Variants in CYP20A1 observed in about 807,000 individuals in gnomAD.
CYP20A1 encodes cytochrome P450 family 20 subfamily A member 1, also known as cytochrome P450 20A1.
CYP20A1 carries 61 observed loss-of-function variants against 61.4 expected under a neutral mutation model. The ratio of observed to expected loss-of-function variants is 0.99; its 90% confidence interval spans 0.81 to 1.23. CYP20A1 has a LOEUF of 1.23. Among genes scored for constraint, CYP20A1 ranks in the 50% most tolerant of loss-of-function variants. The pLI is 0.00. For missense variants in CYP20A1, 530 were observed against 542.4 expected, an observed-to-expected ratio of 0.98 and a Z score of 0.23; for synonymous variants, 193 against 188.2, an observed-to-expected ratio of 1.03 and a Z score of -0.21.
chr2:203,253,169 C>G (rs369724121), intron 4 of CYP20A1, among the ~76,000 whole-genome samples: 1 of 152,194 alleles, frequency 6.6e-6, no homozygotes, highest in Non-Finnish European at 1.5e-5. Flanking sequence ...GATCAGGCTC[C>G]CCTTCTGTCC....
intron 6 of CYP20A1, among the ~76,000 whole-genome samples, chr2:203,275,749 C>A (rs2067793599): frequency 6.6e-6 from 1 of 152,158 alleles, no homozygotes; most frequent in Non-Finnish European, 1.5e-5. Context: ...AATAATTTCT[C>A]ATTTTAATCA....
In CYP20A1 at chr2:203,252,004, G is replaced by T. The variant is rs143672783; in HGVS notation, c.327G>T (p.Arg109Ser). The T allele has an allele frequency of 1.7e-5, 28 of 1,608,872 alleles. No individual in the cohort carries two copies. The African/African-American group carries it at 3.5e-4, about 20-fold the overall frequency. The change falls in exon 4 of 13, where the codon AGG becomes AGT. Residue 109 changes from arginine (R) to serine (S), a missense_variant. Coordinates refer to ENST00000356079, the MANE Select transcript of CYP20A1 (RefSeq NM_177538.3). ...PFETMLKSLL[R>S]YQSGGGSVSE... ...AAACCATGCTGAAGTCATTATTAAG[G>T]TATCAATCTGGTGGTGGCAGTGTGA...
At chr2:203,258,388 TA>T (rs56367282) in intron 4 of CYP20A1, among the ~76,000 whole-genome samples, 1,463 of 137,956 alleles carry the variant, frequency 0.011, 15 homozygotes, top group African/African-American at 0.023. Context: ...ACCCTATGTT[TA>T]AAAAAAAAAA....
chr2:203,259,480 G>C (rs1165262709), intron 4 of CYP20A1: 1 of 152,086 alleles, frequency 6.6e-6, no homozygotes, highest in Non-Finnish European at 1.5e-5. Context: ...TCTTGCTCCT[G>C]CTTTTGCCAT....
intron 9 of CYP20A1, among the ~76,000 whole-genome samples, chr2:203,286,879 G>A (rs56137728): frequency 0.044 from 6,632 of 151,874 alleles, 358 homozygotes; most frequent in African/African-American, 0.13. Flanking sequence ...GTCTGAGACT[G>A]GGTAGCAAGC....
chr2:203,246,401 T>G (rs1459500390), intron 2 of CYP20A1, among the ~76,000 whole-genome samples: 1 of 152,194 alleles, frequency 6.6e-6, no homozygotes, highest in Non-Finnish European at 1.5e-5. Flanking sequence ...AGGAAAAGAT[T>G]GCCATAGCTG....
chr2:203,260,441 T>C (rs1190504741), intron 4 of CYP20A1, among the ~76,000 whole-genome samples: 1 of 152,078 alleles, frequency 6.6e-6, no homozygotes, highest in Non-Finnish European at 1.5e-5. Flanking sequence ...AGGCTGGTCT[T>C]GAACTCCTGA....
intron 1 of CYP20A1, among the ~76,000 whole-genome samples, chr2:203,239,487 C>T (rs2066170257): frequency 6.6e-6 from 1 of 152,206 alleles, no homozygotes; most frequent in African/African-American, 2.4e-5. Flanking sequence ...GGCCATAACT[C>T]GCCAAACCCA....
intron 8 of CYP20A1, 72 bp from the exon 9 acceptor site, chr2:203,285,540 G>C (rs1165198623): frequency 7.1e-7 from 1 of 1,408,904 alleles, no homozygotes; most frequent in African/African-American, 1.5e-5. Context: ...TAAATAAGTA[G>C]TTTTTTTCTT....
At chr2:203,294,440 G>A (rs1008755690) in intron 11 of CYP20A1, among the ~76,000 whole-genome samples, 1 of 151,840 alleles carries the variant, frequency 6.6e-6, no homozygotes, top group African/African-American at 2.4e-5. Context: ...GGGAGGCTGA[G>A]GCAGGAGAGG....
chr2:203,288,301 A>G (rs1254848624), intron 9 of CYP20A1, among the ~76,000 whole-genome samples: 1 of 151,150 alleles, frequency 6.6e-6, no homozygotes, highest in Non-Finnish European at 1.5e-5. Flanking sequence ...CCTGGCCTCA[A>G]GTGATCCACC....
intron 5 of CYP20A1, among the ~76,000 whole-genome samples, chr2:203,269,201 G>T (rs1262491224): frequency 6.6e-6 from 1 of 152,050 alleles, no homozygotes; most frequent in Non-Finnish European, 1.5e-5. Context: ...TAGCACTTTG[G>T]GAAGCCAAGG....
At chr2:203,293,460 C>G (rs1236389510) in intron 11 of CYP20A1, among the ~76,000 whole-genome samples, 2 of 151,160 alleles carry the variant, frequency 1.3e-5, no homozygotes, top group South Asian at 4.2e-4. Context: ...CATGATCCAC[C>G]CGCCTCAGCC....
intron 6 of CYP20A1, among the ~76,000 whole-genome samples, chr2:203,277,013 A>T (rs1269004496): frequency 6.6e-6 from 1 of 152,158 alleles, no homozygotes; most frequent in African/African-American, 2.4e-5. Context: ...GTGGGAGGGA[A>T]GTGTGGAGTC....
intron 11 of CYP20A1, among the ~76,000 whole-genome samples, chr2:203,295,488 T>A (rs914456590): frequency 2.0e-4 from 30 of 152,228 alleles, no homozygotes; most frequent in African/African-American, 7.0e-4. Context: ...TAAAATGTCT[T>A]ACATATTGAT....
Position 203,270,099 on chromosome 2 carries a change from A to C in CYP20A1, c.601-2571A>C, listed in dbSNP as rs187558016. On this transcript the variant is annotated intron_variant, in intron 5 of 12. Transcript: ENST00000356079. The stretch of plus-strand genomic sequence containing the variant: ...AAACCCCATCTTTGCCAAAAAAAAA[A>C]CGACAGGAAAATTTGCTGCATGTGG... 5.3e-3 allele frequency among the ~76,000 whole-genome samples: 804 copies of C among 152,048 alleles called. 6 individuals are homozygous for C. Among genetic ancestry groups the C allele is most frequent in the Middle Eastern group, 0.014 (4 of 294 alleles).
At chr2:203,277,164 C>T (rs889588202) in intron 6 of CYP20A1, among the ~76,000 whole-genome samples, 7 of 151,230 alleles carry the variant, frequency 4.6e-5, no homozygotes, top group African/African-American at 1.5e-4. Context: ...CTGGCTAACA[C>T]GGTGAAACCC....
intron 5 of CYP20A1, among the ~76,000 whole-genome samples, chr2:203,271,235 C>G (rs1575221557): frequency 6.8e-6 from 1 of 148,016 alleles, no homozygotes; most frequent in Non-Finnish European, 1.5e-5. Context: ...CTACAGGTGC[C>G]CGCCACCACG....
rs1330795299 is a variant in CYP20A1 at position 203,296,845 on chromosome 2, A to G, written c.1326A>G (p.Thr442=). Reference sequence around the variant, plus strand: ...CTGTGGAGGGACAGGTTATTGAAACAAAGTATGAACTGGTAACATCATCAA... The same window carrying G: ...CTGTGGAGGGACAGGTTATTGAAACGAAGTATGAACTGGTAACATCATCAA... ...LLSVEGQVIE[T]KYELVTSSRE... is the part of the protein sequence containing the mutation. Residue 442 remains threonine, a synonymous_variant, in exon 13 of 13, where the codon ACA becomes ACG. Coordinates refer to ENST00000356079, the MANE Select transcript of CYP20A1 (RefSeq NM_177538.3). 4 of 1,611,946 alleles carry G rather than the reference A, an allele frequency of 2.5e-6. No homozygotes were observed. The highest frequency in any genetic ancestry group is 3.4e-6 in the Non-Finnish European group (4 of 1,179,212).
Sources: gnomAD v4.1 joint callset for allele counts (sites outside exome capture counted in the v4.1 genomes callset) on GRCh38, gnomAD v4.1.1 for gene constraint, MANE v1.5 for transcripts, NCBI Gene and HGNC (gene_info 2026-07-23, HGNC 2026-07-21) for gene names.